RAB30: variants seen among roughly 807,000 people sequenced by gnomAD.
The protein encoded by RAB30 is ras-related protein Rab-30.
Under a neutral mutation model 25.1 loss-of-function variants are expected in RAB30, and 9 were observed. That is an observed-to-expected ratio of 0.36 (90% CI 0.22 to 0.63). The LOEUF (loss-of-function observed/expected upper bound fraction) is 0.63, where lower values mean the gene tolerates loss of function less well. RAB30 is among the 20% of genes least tolerant of loss of function. The probability of loss-of-function intolerance (pLI) is 0.69; values close to 1 mark genes in which losing one functional copy is unlikely to be tolerated. For missense variants in RAB30, 140 were observed against 243.5 expected (o/e 0.58, Z 2.83); for synonymous variants, 77 against 86.4 (o/e 0.89, Z 0.60).
rs987162972 is a variant in RAB30 at position 82,987,338 on chromosome 11, C to G, written c.361+249G>C. The G allele has an allele frequency of 6.0e-5, 19 of 315,782 alleles. No homozygotes were observed. The Admixed American group carries it at 8.9e-4, about 15-fold the overall frequency. 19.6% of individuals were successfully genotyped at this position (315,782 alleles called of 1,614,324 possible). ...AATTTTTAGCAGCTCACATAACTTT[C>G]ATGGCCATCCAACTTCTTCCCTAGA... On this transcript the variant is annotated intron_variant, in intron 4 of 4. Transcript: ENST00000527633.
At chr11:83,025,881 GATAGATGATATAGAT>G (rs956121034) in intron 1 of RAB30, among the ~76,000 whole-genome samples, 7 of 91,246 alleles carry the variant, frequency 7.7e-5, no homozygotes, top group Non-Finnish European at 1.7e-4. Flanking sequence ...AACAGATATA[GATAGATGATATAGAT>G]ATAGATACAA....
intron 1 of RAB30, among the ~76,000 whole-genome samples, chr11:82,999,254 A>G (rs1857023428): frequency 6.6e-6 from 1 of 152,186 alleles, no homozygotes; most frequent in South Asian, 2.1e-4. Context: ...AGGTTAAAGG[A>G]AATTAAGAGG....
chr11:83,036,203 A>T (rs2121514329), intron 1 of RAB30, among the ~76,000 whole-genome samples: 2 of 141,372 alleles, frequency 1.4e-5, no homozygotes, highest in South Asian at 4.5e-4. Context: ...GTCTCACTCC[A>T]CCTCCCAGGC....
chr11:83,052,676 T>G (rs921840561), intron 1 of RAB30, among the ~76,000 whole-genome samples: 1 of 152,184 alleles, frequency 6.6e-6, no homozygotes, highest in Non-Finnish European at 1.5e-5. Context: ...TGCTGAGCCT[T>G]CCATGTGATC....
At chr11:83,014,365 C>T (rs746059991) in intron 1 of RAB30, among the ~76,000 whole-genome samples, 38 of 152,096 alleles carry the variant, frequency 2.5e-4, no homozygotes, top group Middle Eastern at 3.4e-3. Flanking sequence ...CTGGACAACA[C>T]AGTGAGACCT....
chr11:82,993,928 T>C, intron 3 of RAB30, 111 bp downstream of exon 3: 1 of 855,468 alleles, frequency 1.2e-6, no homozygotes, highest in African/African-American at 1.7e-5. Flanking sequence ...CTGAGTGCAT[T>C]GTTTCCATGT....
intron 1 of RAB30, among the ~76,000 whole-genome samples, chr11:83,011,965 G>T (rs141550319): frequency 6.6e-6 from 1 of 152,250 alleles, no homozygotes; most frequent in East Asian, 1.9e-4. Context: ...TCTAAGCAAC[G>T]CACAGGCTTG....
chr11:82,989,558 G>C (rs772179005), intron 3 of RAB30, among the ~76,000 whole-genome samples: 1 of 152,190 alleles, frequency 6.6e-6, no homozygotes, highest in Non-Finnish European at 1.5e-5. Context: ...CCTCTGCCAG[G>C]ATGTGTCTTA....
At chr11:82,989,039 G>A (rs1428349440) in intron 3 of RAB30, among the ~76,000 whole-genome samples, 1 of 152,062 alleles carries the variant, frequency 6.6e-6, no homozygotes, top group Non-Finnish European at 1.5e-5. Flanking sequence ...AGACGTCAGG[G>A]TCCATTTAGA....
At chr11:82,985,471 A>G (rs1856722488) in intron 4 of RAB30, among the ~76,000 whole-genome samples, 1 of 152,132 alleles carries the variant, frequency 6.6e-6, no homozygotes, top group Admixed American at 6.5e-5. Context: ...AAAGAAAACC[A>G]AAAAAATCCT....
intron 1 of RAB30, among the ~76,000 whole-genome samples, chr11:83,029,168 C>T (rs562375405): frequency 1.3e-5 from 2 of 152,264 alleles, no homozygotes; most frequent in African/African-American, 4.8e-5. Flanking sequence ...AGAAGTATAA[C>T]TCAAGAGACA....
At chr11:83,060,569 A>G (rs145965984) in intron 1 of RAB30, among the ~76,000 whole-genome samples, 158 of 152,358 alleles carry the variant, frequency 1.0e-3, no homozygotes, top group African/African-American at 3.6e-3. Context: ...AGAACATTGC[A>G]AAAAATTCTC....
At chr11:83,059,105 G>C (rs1858512643) in intron 1 of RAB30, among the ~76,000 whole-genome samples, 1 of 152,118 alleles carries the variant, frequency 6.6e-6, no homozygotes, top group Admixed American at 6.6e-5. Context: ...ACCATGCCTG[G>C]CTAATTTTTG....
intron 1 of RAB30, among the ~76,000 whole-genome samples, chr11:82,998,546 T>TAAA (rs34769119): frequency 1.9e-5 from 2 of 108,044 alleles, no homozygotes; most frequent in Non-Finnish European, 1.9e-5. Context: ...AGACTCTGTC[T>TAAA]AAAAAAAAAA....
intron 1 of RAB30, among the ~76,000 whole-genome samples, chr11:83,000,312 TAATC>T (rs1364938661): frequency 6.6e-6 from 1 of 152,198 alleles, no homozygotes; most frequent in East Asian, 1.9e-4. Flanking sequence ...GGCAAGCACT[TAATC>T]AATGTGATCA....
intron 1 of RAB30, among the ~76,000 whole-genome samples, chr11:82,999,721 C>A (rs1233020809): frequency 6.6e-6 from 1 of 152,114 alleles, no homozygotes; most frequent in Non-Finnish European, 1.5e-5. Context: ...CAAAACACAA[C>A]TGAACCTCGC....
chr11:83,030,257 G>T (rs1565283069), intron 1 of RAB30, among the ~76,000 whole-genome samples: 1 of 151,876 alleles, frequency 6.6e-6, no homozygotes, highest in Admixed American at 6.6e-5. Flanking sequence ...AGCATTTTGG[G>T]AGGCCAAAGC....
Position 82,976,176 on chromosome 11 carries a change from T to C in RAB30, c.*5989A>G, listed in dbSNP as rs1267645008. The C allele has an allele frequency of 6.6e-6, 1 of 152,202 alleles. No individual in the cohort carries two copies. Among genetic ancestry groups the C allele is most frequent in the Admixed American group, 6.5e-5 (1 of 15,280 alleles). The allele number at this position is 152,202 out of a possible 1,614,324, so 9.4% of individuals were successfully genotyped here. A position where few individuals can be genotyped will look rare whatever the true frequency, so the allele number is the denominator to read the frequency against. ...GCACCCTTTCAGAAATGGAGTTCTT[T>C]TCTTTGAAGCCAGGAAAGTTTCTTT... On this transcript the variant is annotated 3_prime_UTR_variant, in exon 5 of 5. Coordinates refer to ENST00000527633, the MANE Select transcript of RAB30 (RefSeq NM_001286060.2).
chr11:83,065,187 A>G (rs1450177967), intron 1 of RAB30, among the ~76,000 whole-genome samples: 3 of 152,216 alleles, frequency 2.0e-5, no homozygotes, highest in African/African-American at 7.2e-5. Context: ...CAGGAGTTCA[A>G]GACTAGCCTG....
Sources: gnomAD v4.1 joint callset for allele counts (sites outside exome capture counted in the v4.1 genomes callset) on GRCh38, gnomAD v4.1.1 for gene constraint, MANE v1.5 for transcripts, NCBI Gene and HGNC (gene_info 2026-07-23, HGNC 2026-07-21) for gene names.